VMA22: variants seen among roughly 807,000 people sequenced by gnomAD.
The protein encoded by VMA22 is vacuolar ATPase assembly protein VMA22.
the VMA22 span, chr2:130,338,407 C>T: frequency 6.6e-6 from 1 of 152,110 alleles, no homozygotes; most frequent in Admixed American, 6.5e-5. Flanking sequence ...GGACCAATTA[C>T]CTCCAAACAT....
chr2:130,341,922 G>A, the VMA22 span: 5 of 1,613,502 alleles, frequency 3.1e-6, no homozygotes, highest in African/African-American at 5.3e-5. Context: ...CGCGTAGCGA[G>A]CCTTGGCGAG....
At chr2:130,341,327 C>T in the VMA22 span, 36 of 545,426 alleles carry the variant, frequency 6.6e-5, no homozygotes, top group East Asian at 1.1e-3. Flanking sequence ...TGCCAACAGA[C>T]CAGACATAGA....
At chr2:130,338,101 T>C in the VMA22 span, 1 of 152,170 alleles carries the variant, frequency 6.6e-6, no homozygotes, top group Admixed American at 6.5e-5. Flanking sequence ...CACTGGACAT[T>C]TCAACTGAAA....
chr2:130,338,525 C>T, the VMA22 span: 2 of 152,334 alleles, frequency 1.3e-5, no homozygotes, highest in Admixed American at 6.5e-5. Flanking sequence ...AAGAGAGGCT[C>T]AGCCTCTTAT....
the VMA22 span, chr2:130,342,413 G>A: frequency 4.5e-4 from 255 of 567,482 alleles, no homozygotes; most frequent in Middle Eastern, 2.8e-3. Flanking sequence ...GGAAGCTGCC[G>A]AATCTTAGAA....
the VMA22 span, chr2:130,339,534 T>C: frequency 7.8e-7 from 1 of 1,280,866 alleles, no homozygotes; most frequent in South Asian, 1.4e-5. Context: ...CCTTCCCCCA[T>C]TATTACAGCA....
chr2:130,341,283 CTG>C, the VMA22 span: 1 of 567,018 alleles, frequency 1.8e-6, no homozygotes, highest in Non-Finnish European at 3.1e-6. Flanking sequence ...CCCTGTTTGC[CTG>C]TGACACTGAT....
chr2:130,339,234 T>C, the VMA22 span: 2 of 1,613,360 alleles, frequency 1.2e-6, no homozygotes, highest in Admixed American at 1.7e-5. Flanking sequence ...GCTGCAGGCC[T>C]GGAGGAAAGG....
chr2:130,342,304 G>C, the VMA22 span: 8 of 1,205,320 alleles, frequency 6.6e-6, no homozygotes, highest in Non-Finnish European at 9.2e-6. Context: ...TAGAGAAGCA[G>C]CACGGAAGCA....
the VMA22 span, chr2:130,339,918 C>T: frequency 3.1e-6 from 3 of 981,618 alleles, no homozygotes; most frequent in South Asian, 4.9e-5. Flanking sequence ...AACACCAGTG[C>T]TATGCAGTGG....
At chr2:130,339,260 G>A in the VMA22 span, 1 of 1,590,110 alleles carries the variant, frequency 6.3e-7, no homozygotes, top group Non-Finnish European at 8.6e-7. Context: ...AGGTCACCAT[G>A]GTATCTGTAG....
chr2:130,339,502 CAT>C, the VMA22 span: 1 of 1,337,916 alleles, frequency 7.5e-7, no homozygotes, highest in Non-Finnish European at 9.7e-7. Flanking sequence ...ATAGTAATAC[CAT>C]TTCATGCCCT....
At chr2:130,341,821 C>CCCCCCCCG in the VMA22 span, 1 of 1,558,166 alleles carries the variant, frequency 6.4e-7, no homozygotes, top group South Asian at 1.2e-5. Context: ...CCACCCAGCC[C>CCCCCCCCG]AGCATGGAAG....
chr2:130,340,828 A>G, the VMA22 span: 2 of 1,544,954 alleles, frequency 1.3e-6, no homozygotes, highest in East Asian at 4.5e-5. Context: ...GACTAACCCC[A>G]GCCATGGCAG....
At chr2:130,339,257 C>T in the VMA22 span, 2 of 1,597,428 alleles carry the variant, frequency 1.3e-6, no homozygotes, top group Non-Finnish European at 1.7e-6. Flanking sequence ...AGAAGGTCAC[C>T]ATGGTATCTG....
chr2:130,342,605 C>A, the VMA22 span: 10 of 466,030 alleles, frequency 2.1e-5, no homozygotes, highest in South Asian at 3.5e-4. Flanking sequence ...GGTTCGTCAT[C>A]TGAAAACTGC....
At chr2:130,341,253 C>A in the VMA22 span, 1 of 597,878 alleles carries the variant, frequency 1.7e-6, no homozygotes, top group Non-Finnish European at 2.9e-6. Context: ...TCCCGTGACT[C>A]CTGTAAGACC....
At chr2:130,339,205 C>G in the VMA22 span, 1 of 1,614,204 alleles carries the variant, frequency 6.2e-7, no homozygotes, top group Non-Finnish European at 8.5e-7. Context: ...GTTCTGGAGG[C>G]TGGCTATGTC....
chr2:130,341,656 A>AG, the VMA22 span: 5 of 1,606,050 alleles, frequency 3.1e-6, no homozygotes, highest in African/African-American at 4.0e-5. Context: ...CAGAAGGAAG[A>AG]GGGGGCTCAC....
Sources: gnomAD v4.1 joint callset for allele counts on GRCh38, gnomAD v4.1.1 for gene constraint, MANE v1.5 for transcripts, NCBI Gene and HGNC (gene_info 2026-07-23, HGNC 2026-07-21) for gene names.